LPCAT4: variants seen among roughly 807,000 people sequenced by gnomAD.
LPCAT4 encodes lysophospholipid acyltransferase LPCAT4.
Under a neutral mutation model 66.5 loss-of-function variants are expected in LPCAT4, and 30 were observed. That is an observed-to-expected ratio of 0.45 (90% confidence interval 0.34 to 0.61). The LOEUF is 0.61. Among genes scored for constraint, LPCAT4 ranks in the 20% least tolerant of loss-of-function variants. The pLI is 0.01. For synonymous variants in LPCAT4, 253 were observed against 262.1 expected, an observed-to-expected ratio of 0.97 and a Z score of 0.34; for missense variants, 557 against 656.7, an observed-to-expected ratio of 0.85 and a Z score of 1.66.
At position 34,361,410 on chromosome 15, in the gene LPCAT4, TA is replaced by T; in HGVS notation, c.1132del (p.Tyr378ThrfsTer19). ...TTCCAGCTCCTTTACCTGCTGGAAG[TA>T]GCCAAAGGCACCAGCCACCGTCTGA... is the stretch of plus-strand genomic sequence containing the variant. Reference protein sequence around the residue: ...DPQTVAGAFGYFQQDTKGLVD... With the variant: ...DPQTVAGAFGXFQQDTKGLVD... On this transcript the variant is annotated frameshift_variant, in exon 11 of 14. Coordinates refer to ENST00000314891, the MANE Select transcript of LPCAT4 (RefSeq NM_153613.3). LOFTEE classifies it high-confidence loss of function. 6.2e-7 allele frequency: 1 copy of T among 1,614,194 alleles called. No individual in the cohort carries two copies. Among genetic ancestry groups the T allele is most frequent in the Non-Finnish European group, 8.5e-7 (1 of 1,180,028 alleles).
chr15:34,363,950 G>A lies in LPCAT4; in HGVS notation c.652+63C>T. On this transcript the variant is annotated intron_variant, in intron 5 of 13. Transcript: ENST00000314891. The surrounding 1 kb of genome is among the most constrained non-coding windows in gnomAD (Gnocchi z 4.3). ...CTTCTACTTCTTGGGTTATTTCAGA[G>A]TCCCTCCCCAAATCTGGAACTTCTT... 1.3e-6 allele frequency: 2 copies of A among 1,534,506 alleles called. No homozygotes were observed. The highest frequency in any genetic ancestry group is 1.8e-6 in the Non-Finnish European group (2 of 1,112,064).
chr15:34,365,501 A>G (rs1891055315), intron 2 of LPCAT4, 58 bp downstream of exon 2: 1 of 1,604,896 alleles, frequency 6.2e-7, no homozygotes, highest in Non-Finnish European at 8.5e-7. Flanking sequence ...TCAAAGAGGG[A>G]GCCGAATAGA....
intron 11 of LPCAT4, chr15:34,360,830 G>C (rs1890925439): frequency 6.5e-6 from 1 of 153,972 alleles, no homozygotes; most frequent in African/African-American, 2.4e-5. Flanking sequence ...TGGGACCACT[G>C]TTGGTTGTTC....
chr15:34,367,120 G>A lies in LPCAT4; in HGVS notation c.-20C>T. ...GCTCATGGCGGGAGAAGGTGGGAGG[G>A]AGGGCACCCCGGCCCTGGCCCCGGC... On this transcript the variant is annotated 5_prime_UTR_variant, in exon 1 of 14. Coordinates refer to ENST00000314891, the MANE Select transcript of LPCAT4 (RefSeq NM_153613.3). 1 of 1,526,192 alleles carries A rather than the reference G, an allele frequency of 6.6e-7. No homozygotes were observed. The highest frequency in any genetic ancestry group is 1.2e-5 in the South Asian group (1 of 81,826). 94.5% of individuals were successfully genotyped at this position (1,526,192 alleles called of 1,614,324 possible).
At chr15:34,361,765 C>T (rs529988830) in intron 10 of LPCAT4, among the ~76,000 whole-genome samples, 23 of 152,144 alleles carry the variant, frequency 1.5e-4, no homozygotes, top group African/African-American at 5.5e-4. Flanking sequence ...AGTGGCACGA[C>T]CTTGGCTCAC....
rs571187900 is a variant in LPCAT4, at chr15:34,366,895, C to A, written c.114+92G>T. The A allele has an allele frequency of 1.7e-5, 25 of 1,509,340 alleles. No individual in the cohort carries two copies. In the East Asian group the frequency reaches 3.4e-4, roughly 20 times the overall value. 93.5% of individuals were successfully genotyped at this position (1,509,340 alleles called of 1,614,324 possible). On this transcript the variant is annotated intron_variant, in intron 1 of 13. Transcript: ENST00000314891. ...GCAAGCCTCTCAGCCATCTCCTTCT[C>A]GTGGATCCCCAAGCCCACCTTTGCC... is the stretch of plus-strand genomic sequence containing the variant.
At position 34,367,160 on chromosome 15, in the gene LPCAT4, G is replaced by A; in HGVS notation, c.-60C>T. On this transcript the variant is annotated 5_prime_UTR_variant, in exon 1 of 14. Coordinates refer to ENST00000314891, the MANE Select transcript of LPCAT4 (RefSeq NM_153613.3). ...CTGGCCCCGGCCACCACTCTGCAGA[G>A]CAGCTGCTGCTGCAGCAGCGGCGGC... 1.5e-6 allele frequency: 2 copies of A among 1,352,372 alleles called. No homozygotes were observed. The highest frequency in any genetic ancestry group is 1.7e-5 in the South Asian group (1 of 58,534). The allele number at this position is 1,352,372 out of a possible 1,614,324, so 83.8% of individuals were successfully genotyped here. A position where few individuals can be genotyped will look rare whatever the true frequency, so the allele number is the denominator to read the frequency against.
At position 34,359,279 on chromosome 15, in the gene LPCAT4, G is replaced by A. The variant is rs902921320; in HGVS notation, c.1423C>T (p.His475Tyr). The A allele has an allele frequency of 1.3e-6, 2 of 1,542,132 alleles. No individual in the cohort carries two copies. Among genetic ancestry groups the A allele is most frequent in the African/African-American group, 2.7e-5 (2 of 72,930 alleles). Reference protein sequence around the residue: ...SLCQFQNFSLHDPLYGKLFST... With the variant: ...SLCQFQNFSLYDPLYGKLFST... ...AAGAGTTTCCCATAGAGTGGGTCAT[G>A]GAGGGAGAAGTTCTGGAACTGACCT... is the stretch of plus-strand genomic sequence containing the variant. The change falls in exon 14 of 14, where the codon CAT becomes TAT. Residue 475 changes from histidine to tyrosine, a missense_variant. Physicochemically the swap from His to Tyr is moderately conservative, Grantham distance 83 (BLOSUM62 2). This residue lies in a region of LPCAT4 where 392 missense variants were observed against 473.9 expected (regional missense o/e 0.83). Transcript: ENST00000314891.
chr15:34,362,299 C>G lies in LPCAT4; in HGVS notation c.907G>C (p.Glu303Gln). 6.2e-7 allele frequency: 1 copy of G among 1,614,114 alleles called. No individual in the cohort carries two copies. Among genetic ancestry groups the G allele is most frequent in the Non-Finnish European group, 8.5e-7 (1 of 1,180,032 alleles). ...GGTAAGCTCCCTACAAACTCACATT[C>G]GGTGGCTGGAATGCCCAGAGCCCTA... is the stretch of plus-strand genomic sequence containing the variant. ...MAQALGIPAT[E>Q]CEFVGSLPVI... Residue 303 changes from glutamate to glutamine, a missense_variant, in exon 10 of 14, where the codon GAA becomes CAA. Physicochemically the swap from Glu to Gln is conservative, Grantham distance 29. Coordinates refer to ENST00000314891, the MANE Select transcript of LPCAT4 (RefSeq NM_153613.3).
At chr15:34,361,674 C>T in intron 10 of LPCAT4, 142 bp from the exon 11 acceptor site, 1 of 908,210 alleles carries the variant, frequency 1.1e-6, no homozygotes, top group Non-Finnish European at 1.6e-6. Context: ...CTCACAGTCC[C>T]TTGAGAGCAC....
intron 3 of LPCAT4, 91 bp from the exon 4 acceptor site, chr15:34,364,397 A>G: frequency 1.4e-6 from 1 of 724,060 alleles, no homozygotes. Context: ...CAGCATGAGA[A>G]GTTTCTGTTA....
Position 34,365,668 on chromosome 15 carries a change from G to C in LPCAT4, c.148C>G (p.Arg50Gly), listed in dbSNP as rs1400418905. 1 of 1,613,948 alleles carries C rather than the reference G, an allele frequency of 6.2e-7. No homozygotes were observed. The highest frequency in any genetic ancestry group is 2.2e-5 in the East Asian group (1 of 44,894). ...CLLGALLAPI[R>G]VLLAFIVLFL... is the part of the protein sequence containing the mutation. The stretch of plus-strand genomic sequence containing the variant: ...AGGACGATAAAGGCCAGAAGCACTC[G>C]GATGGGGGCCAGCAATGCCCCCAGG... The change falls in exon 2 of 14, where the codon CGA becomes GGA. Residue 50 changes from arginine to glycine, a missense_variant. Around this residue, in one of 4 missense-constraint regions of LPCAT4, gnomAD observed 94 missense variants for 71.5 expected, o/e 1.32. Transcript: ENST00000314891.
chr15:34,364,147 CA>C (rs2086052788), intron 4 of LPCAT4, 46 bp downstream of exon 4: 1 of 1,591,612 alleles, frequency 6.3e-7, no homozygotes, highest in South Asian at 1.1e-5. Flanking sequence ...GAAGCCTCTT[CA>C]GGAGCACATG....
chr15:34,363,501 C>A lies in LPCAT4; in HGVS notation c.712-45G>T, dbSNP rs772561614. 2.5e-6 allele frequency: 4 copies of A among 1,612,540 alleles called. No homozygotes were observed. The highest frequency in any genetic ancestry group is 3.4e-6 in the Non-Finnish European group (4 of 1,179,148). ...GAGGGCATAAGAGCATTACTTTTTC[C>A]CCCTGGAACTGGCCAATCACCTTTG... is the stretch of plus-strand genomic sequence containing the variant. On this transcript the variant is annotated intron_variant, in intron 6 of 13. Transcript: ENST00000314891. The surrounding 1 kb of genome is among the most constrained non-coding windows in gnomAD (Gnocchi z 4.3).
chr15:34,364,407 ATC>A (rs1047801887), intron 3 of LPCAT4, 101 bp from the exon 4 acceptor site: 2 of 636,170 alleles, frequency 3.1e-6, no homozygotes, highest in Admixed American at 3.3e-5. Flanking sequence ...AGTTTCTGTT[ATC>A]TCTTTTTTTT....
chr15:34,359,589 A>G lies in LPCAT4; in HGVS notation c.1399T>C (p.Cys467Arg). Residue 467 changes from cysteine to arginine, a missense_variant and splice_region_variant, in exon 13 of 14, where the codon TGT (cysteine) becomes CGT (arginine). Cys to Arg is a radical substitution (Grantham distance 180, BLOSUM62 -3). Around this residue, in one of 4 missense-constraint regions of LPCAT4, gnomAD observed 392 missense variants for 473.9 expected, o/e 0.83. Coordinates refer to ENST00000314891, the MANE Select transcript of LPCAT4 (RefSeq NM_153613.3). Reference protein sequence around the residue: ...QAGSSQGLSLCQFQNFSLHDP... With the variant: ...QAGSSQGLSLRQFQNFSLHDP... ...TGGGGCTGAGAAGGCAGTGACTCAC[A>G]GAGGGAGAGGCCTTGGCTGGATCCT... 2.5e-6 allele frequency: 4 copies of G among 1,611,574 alleles called. No homozygotes were observed. Among genetic ancestry groups the G allele is most frequent in the Non-Finnish European group, 3.4e-6 (4 of 1,179,568 alleles).
At chr15:34,366,849 G>T in intron 1 of LPCAT4, 138 bp downstream of exon 1, 1 of 1,351,148 alleles carries the variant, frequency 7.4e-7, no homozygotes, top group Non-Finnish European at 1.0e-6. Context: ...CCCCACGTGC[G>T]CACCCCCGGA....
Position 34,359,054 on chromosome 15 carries a change from C to A in LPCAT4, c.*73G>T. 8.3e-7 allele frequency: 1 copy of A among 1,202,306 alleles called. No homozygotes were observed. Among genetic ancestry groups the A allele is most frequent in the East Asian group, 2.9e-5 (1 of 34,444 alleles). The allele number at this position is 1,202,306 out of a possible 1,614,324, so 74.5% of individuals were successfully genotyped here. ...AACAATAACAAAATTCAAACAGGAG[C>A]AGAGATGGGGCTGAGGCATAGGGGA... On this transcript the variant is annotated 3_prime_UTR_variant, in exon 14 of 14. Coordinates refer to ENST00000314891, the MANE Select transcript of LPCAT4 (RefSeq NM_153613.3).
chr15:34,365,605 C>T lies in LPCAT4; in HGVS notation c.211G>A (p.Gly71Ser). Residue 71 changes from glycine to serine, a missense_variant, in exon 2 of 14, where the codon GGT becomes AGT. Transcript: ENST00000314891. ...LWPFAWLQVAGLSEEQLQEPI... is the reference protein window; with the variant it reads ...LWPFAWLQVASLSEEQLQEPI... The stretch of plus-strand genomic sequence containing the variant: ...TCCTGAAGCTGCTCCTCACTAAGAC[C>T]GGCCACTTGAAGCCAGGCAAAGGGC... 3 of 1,614,196 alleles carry T rather than the reference C, an allele frequency of 1.9e-6. No homozygotes were observed. The highest frequency in any genetic ancestry group is 1.7e-4 in the Middle Eastern group (1 of 6,060).
Sources: gnomAD v4.1 joint callset for allele counts (sites outside exome capture counted in the v4.1 genomes callset) on GRCh38, gnomAD v4.1.1 for gene constraint, gnomAD v4.1.1 regional missense constraint, Gnocchi (gnomAD v3.1) non-coding constraint, MANE v1.5 for transcripts, NCBI Gene and HGNC (gene_info 2026-07-23, HGNC 2026-07-21) for gene names.